The following TMEM74 variants were observed in gnomAD, a reference collection of about 807,000 sequenced individuals.
TMEM74 encodes the protein transmembrane protein 74.
In TMEM74, 13 loss-of-function variants were observed where a neutral mutation model predicts 18.1. The observed-to-expected ratio is 0.72, with a 90% CI of 0.47 to 1.14. The LOEUF (loss-of-function observed/expected upper bound fraction) is 1.14. Among genes scored for constraint, TMEM74 ranks in the 50% most tolerant of loss-of-function variants. TMEM74 has a pLI of 0.00. For missense variants in TMEM74, 372 were observed against 375.9 expected (o/e 0.99, Z 0.09); for synonymous variants, 159 against 146.6 (o/e 1.08, Z -0.61).
At chr8:108,661,083 C>T (rs1365885768) in intron 1 of TMEM74, among the ~76,000 whole-genome samples, 1 of 152,044 alleles carries the variant, frequency 6.6e-6, no homozygotes, top group Non-Finnish European at 1.5e-5. Context: ...GAAAAAAATT[C>T]CACCTAACCA....
chr8:108,722,503 A>G (rs1037217316), intron 1 of TMEM74, among the ~76,000 whole-genome samples: 5 of 152,200 alleles, frequency 3.3e-5, no homozygotes, highest in African/African-American at 2.4e-5. Context: ...CTTAGGAATC[A>G]GTGGGATTTC....
downstream of TMEM74, among the ~76,000 whole-genome samples, chr8:108,774,331 GC>G (rs1396529365): frequency 6.6e-6 from 1 of 152,126 alleles, no homozygotes; most frequent in African/African-American, 2.4e-5. Context: ...AATCTCCAAT[GC>G]TGTCCCTTTT....
chr8:108,751,211 A>G (rs1429740762), intron 1 of TMEM74, among the ~76,000 whole-genome samples: 2 of 152,126 alleles, frequency 1.3e-5, no homozygotes, highest in East Asian at 3.9e-4. Flanking sequence ...CAACCTCCCC[A>G]ACAAAAAAGA....
At chr8:108,694,406 A>C (rs1034596623) in intron 1 of TMEM74, among the ~76,000 whole-genome samples, 3 of 152,238 alleles carry the variant, frequency 2.0e-5, no homozygotes, top group Non-Finnish European at 4.4e-5. Context: ...AAACATGCTG[A>C]GTGAAAAAAA....
intron 1 of TMEM74, among the ~76,000 whole-genome samples, chr8:108,760,652 C>T (rs1456796247): frequency 6.6e-6 from 1 of 151,824 alleles, no homozygotes; most frequent in African/African-American, 2.4e-5. Context: ...TTTCAAAATT[C>T]TCTCATGTCA....
chr8:108,719,951 T>TA (rs1813569786), intron 1 of TMEM74, among the ~76,000 whole-genome samples: 1 of 152,186 alleles, frequency 6.6e-6, no homozygotes, highest in African/African-American at 2.4e-5. Context: ...AGTATATTTT[T>TA]AAAAAATCAT....
chr8:108,664,096 A>G (rs990973335), intron 1 of TMEM74, among the ~76,000 whole-genome samples: 9 of 152,198 alleles, frequency 5.9e-5, no homozygotes, highest in Admixed American at 3.3e-4. Flanking sequence ...CATCCTGCAC[A>G]TGTACCCTAG....
chr8:108,648,881 T>C (rs1449478855), intron 2 of TMEM74, among the ~76,000 whole-genome samples: 1 of 152,194 alleles, frequency 6.6e-6, no homozygotes, highest in East Asian at 1.9e-4. Context: ...CTTAAGTTAC[T>C]ACGTTTCGGG....
intron 2 of TMEM74, among the ~76,000 whole-genome samples, chr8:108,622,398 G>T (rs962950164): frequency 2.6e-5 from 4 of 152,118 alleles, no homozygotes; most frequent in Admixed American, 1.3e-4. Context: ...CTGGTAATTT[G>T]TGGGGATAGG....
At chr8:108,773,170 A>T (rs1188351926) in intron 1 of TMEM74, among the ~76,000 whole-genome samples, 1 of 152,124 alleles carries the variant, frequency 6.6e-6, no homozygotes, top group Non-Finnish European at 1.5e-5. Context: ...TGCAGTGCTC[A>T]GCTCTGCACT....
At position 108,718,169 on chromosome 8, in the gene TMEM74, G is replaced by A. The variant is rs957561555; in HGVS notation, n.120-62732C>T. On this transcript the variant is annotated intron_variant and non_coding_transcript_variant, in intron 1 of 3. Coordinates refer to the TMEM74 transcript ENST00000518838. Reference sequence around the variant, plus strand: ...GAGACGGGGTTTCACCATTTTAGCCGGGATGGTCTCGATCTCCTGACCTCG... The same window carrying A: ...GAGACGGGGTTTCACCATTTTAGCCAGGATGGTCTCGATCTCCTGACCTCG... 2.8e-4 allele frequency among the ~76,000 whole-genome samples: 33 copies of A among 119,246 alleles called. 2 individuals carry two copies. The highest frequency in any genetic ancestry group is 4.3e-4 in the Non-Finnish European group (27 of 63,152). The allele number at this position is 119,246 out of a possible 152,430, so 78.2% of individuals were successfully genotyped here.
At chr8:108,694,386 C>G (rs917718971) in intron 1 of TMEM74, among the ~76,000 whole-genome samples, 3 of 151,768 alleles carry the variant, frequency 2.0e-5, no homozygotes, top group African/African-American at 7.3e-5. Context: ...GCGATGTGGA[C>G]AAACATTGAA....
chr8:108,725,782 T>C (rs1813631179), intron 1 of TMEM74, among the ~76,000 whole-genome samples: 1 of 152,214 alleles, frequency 6.6e-6, no homozygotes, highest in South Asian at 2.1e-4. Context: ...AAACATGTTA[T>C]AGGGGCAAAG....
intron 1 of TMEM74, among the ~76,000 whole-genome samples, chr8:108,666,826 A>G (rs1233388219): frequency 6.6e-6 from 1 of 152,130 alleles, no homozygotes; most frequent in Non-Finnish European, 1.5e-5. Flanking sequence ...TACATTTACC[A>G]CATGAGGAAA....
intron 2 of TMEM74, among the ~76,000 whole-genome samples, chr8:108,649,195 A>G (rs943950032): frequency 5.3e-5 from 8 of 152,162 alleles, no homozygotes; most frequent in Non-Finnish European, 1.0e-4. Flanking sequence ...CATCTTGAGC[A>G]TGTTGCTTAA....
chr8:108,784,474 C>T lies in TMEM74; in HGVS notation c.625G>A (p.Val209Met). 6.2e-7 allele frequency: 1 copy of T among 1,614,200 alleles called. No individual in the cohort carries two copies. Residue 209 changes from valine to methionine, a missense_variant, in exon 2 of 2, where the codon GTG (valine) becomes ATG (methionine). Coordinates refer to ENST00000297459, the MANE Select transcript of TMEM74 (RefSeq NM_153015.3). ...PREVTVDPNTVAAREMERLEK... is the reference protein window; with the variant it reads ...PREVTVDPNTMAAREMERLEK... Reference sequence around the variant, plus strand: ...AGGCGCTCCATCTCCCGGGCTGCCACAGTGTTGGGGTCCACAGTCACTTCC... The same window carrying T: ...AGGCGCTCCATCTCCCGGGCTGCCATAGTGTTGGGGTCCACAGTCACTTCC...
intron 1 of TMEM74, among the ~76,000 whole-genome samples, chr8:108,756,650 G>GAGAAAGAA (rs71305914): frequency 0.13 from 3,451 of 26,968 alleles, 399 homozygotes; most frequent in Admixed American, 0.17. Flanking sequence ...AAGAAAGAAA[G>GAGAAAGAA]AGAAAGAAAG....
chr8:108,626,158 T>TTG lies in TMEM74; in HGVS notation n.265-17333_265-17332insCA, dbSNP rs1226245256. Among the ~76,000 whole-genome samples, 17 of 152,188 alleles carry TTG rather than the reference T, an allele frequency of 1.1e-4. No homozygotes were observed. The South Asian group carries it at 3.5e-3, about 32-fold the overall frequency. On this transcript the variant is annotated intron_variant and non_coding_transcript_variant, in intron 2 of 3. Transcript: ENST00000518838. ...CTTGTCCACTATTCTATTGTTTGTA[T>TTG]TACAACTATTTTCTACATTATTTAC...
rs542936601 is a variant in TMEM74 at position 108,726,013 on chromosome 8, C to G, written n.119+61463G>C. Among the ~76,000 whole-genome samples, 4 of 152,090 alleles carry G rather than the reference C, an allele frequency of 2.6e-5. No homozygotes were observed. The East Asian group carries it at 7.7e-4, about 29-fold the overall frequency. On this transcript the variant is annotated intron_variant and non_coding_transcript_variant, in intron 1 of 3. Coordinates refer to the TMEM74 transcript ENST00000518838. ...GTGAGAACTTAGGTGAAGAATGCAC[C>G]TGGGTAAATAAGGATTGTAATACAC...
Sources: allele counts gnomAD v4.1 joint callset (sites outside exome capture counted in the v4.1 genomes callset), GRCh38; gene constraint gnomAD v4.1.1; transcripts MANE v1.5; gene names NCBI Gene and HGNC (gene_info 2026-07-23, HGNC 2026-07-21).